The following RALA variants were observed in gnomAD, a reference collection of about 807,000 sequenced individuals.
RALA encodes the protein ras-related protein Ral-A.
Under a neutral mutation model 24.0 loss-of-function variants are expected in RALA, and 5 were observed. The observed-to-expected ratio is 0.21, with a 90% confidence interval of 0.11 to 0.44. The LOEUF (loss-of-function observed/expected upper bound fraction) is 0.44. RALA is among the 20% of genes least tolerant of loss of function. The pLI, the probability that RALA is intolerant of heterozygous loss-of-function variation, is 0.99. For missense variants in RALA, 95 were observed against 241.2 expected, an observed-to-expected ratio of 0.39 and a Z score of 4.01; for synonymous variants, 77 against 83.8, an observed-to-expected ratio of 0.92 and a Z score of 0.44.
chr7:39,638,942 A>G (rs1222570921), intron 1 of RALA, among the ~76,000 whole-genome samples: 2 of 152,244 alleles, frequency 1.3e-5, no homozygotes, highest in South Asian at 2.1e-4. Context: ...AGAAATTGCC[A>G]CACTGTTTTC....
chr7:39,687,998 C>T (rs973089532), intron 2 of RALA, among the ~76,000 whole-genome samples: 1 of 152,042 alleles, frequency 6.6e-6, no homozygotes, highest in Non-Finnish European at 1.5e-5. Flanking sequence ...GGCGATCCTC[C>T]CACCTTGGGC....
intron 1 of RALA, among the ~76,000 whole-genome samples, chr7:39,638,910 T>C (rs997290915): frequency 1.3e-5 from 2 of 152,244 alleles, no homozygotes; most frequent in Non-Finnish European, 2.9e-5. Context: ...GGTTGTATGG[T>C]ACATTTATGT....
intron 1 of RALA, among the ~76,000 whole-genome samples, chr7:39,684,581 A>C (rs1792664357): frequency 6.6e-6 from 1 of 152,058 alleles, no homozygotes; most frequent in African/African-American, 2.4e-5. Flanking sequence ...TTGAACCTCT[A>C]GTAGCAAGAG....
intron 1 of RALA, among the ~76,000 whole-genome samples, chr7:39,667,169 T>A (rs993524473): frequency 1.3e-5 from 2 of 152,226 alleles, no homozygotes; most frequent in African/African-American, 4.8e-5. Context: ...AATAGTATTC[T>A]TTAAAACTCA....
At chr7:39,676,529 C>T (rs1208386015) in intron 1 of RALA, among the ~76,000 whole-genome samples, 1 of 152,168 alleles carries the variant, frequency 6.6e-6, no homozygotes, top group Non-Finnish European at 1.5e-5. Context: ...CCCAAATGCT[C>T]CTATGAGCAT....
chr7:39,667,076 C>T (rs1489518927), intron 1 of RALA, among the ~76,000 whole-genome samples: 1 of 152,160 alleles, frequency 6.6e-6, no homozygotes, highest in Non-Finnish European at 1.5e-5. Context: ...AGGTCTTGCC[C>T]CATCTTAAAC....
Position 39,707,425 on chromosome 7 carries a change from CTG to C in RALA, c.*1182_*1183del, listed in dbSNP as rs1407366967. 6.6e-6 allele frequency: 1 copy of C among 152,204 alleles called. No individual in the cohort carries two copies. The highest frequency in any genetic ancestry group is 1.5e-5 in the Non-Finnish European group (1 of 68,040). 9.4% of individuals were successfully genotyped at this position (152,204 alleles called of 1,614,324 possible). A position where few individuals can be genotyped will look rare whatever the true frequency, so the allele number is the denominator to read the frequency against. On this transcript the variant is annotated 3_prime_UTR_variant, in exon 5 of 5. Coordinates refer to ENST00000005257, the MANE Select transcript of RALA (RefSeq NM_005402.4). ...CTGTTTCTGTTTATAATGAAGAACACTGTAGCTACATTTTCAGAAGTTAACAT... is the reference window on the plus strand; with the variant it reads ...CTGTTTCTGTTTATAATGAAGAACACTAGCTACATTTTCAGAAGTTAACAT...
intron 1 of RALA, among the ~76,000 whole-genome samples, chr7:39,661,725 C>G (rs1792194276): frequency 6.6e-6 from 1 of 152,198 alleles, no homozygotes; most frequent in African/African-American, 2.4e-5. Context: ...TGTGGCTTTT[C>G]CAGACTCATG....
chr7:39,697,265 A>G lies in RALA; in HGVS notation c.498+406A>G, dbSNP rs3779201. 131 of 407,706 alleles carry G rather than the reference A, an allele frequency of 3.2e-4. 2 individuals carry two copies. The East Asian group carries it at 8.9e-3, about 28-fold the overall frequency. The allele number at this position is 407,706 out of a possible 1,614,324, so 25.3% of individuals were successfully genotyped here. ...CTTAAAAATAAGGGTACCTCCCAAG[A>G]TGAAGAAGCCCCCAGATAAGAGCGT... On this transcript the variant is annotated intron_variant, in intron 4 of 4. Coordinates refer to ENST00000005257, the MANE Select transcript of RALA (RefSeq NM_005402.4).
intron 1 of RALA, among the ~76,000 whole-genome samples, chr7:39,651,804 C>T (rs1036716296): frequency 5.9e-5 from 9 of 152,000 alleles, no homozygotes; most frequent in South Asian, 4.2e-4. Context: ...ATTTTCTGAA[C>T]GTTTTTCAGT....
chr7:39,639,521 G>A (rs1033356940), intron 1 of RALA, among the ~76,000 whole-genome samples: 1 of 152,142 alleles, frequency 6.6e-6, no homozygotes, highest in Non-Finnish European at 1.5e-5. Context: ...AGACTGCATA[G>A]CCATTGCACT....
At chr7:39,697,952 T>TGTGC (rs1285882748) in intron 4 of RALA, among the ~76,000 whole-genome samples, 1 of 125,072 alleles carries the variant, frequency 8.0e-6, no homozygotes, top group African/African-American at 2.9e-5. Flanking sequence ...AGGGCAAGTG[T>TGTGC]GTGTGTGTGT....
chr7:39,648,208 C>T (rs1032098680), intron 1 of RALA, among the ~76,000 whole-genome samples: 6 of 152,142 alleles, frequency 3.9e-5, no homozygotes, highest in African/African-American at 1.4e-4. Flanking sequence ...ATCTGAAAAC[C>T]ATGGTCTTCA....
In RALA at chr7:39,706,005, A is replaced by G. The variant is rs927619675; in HGVS notation, c.499-118A>G. On this transcript the variant is annotated intron_variant, in intron 4 of 4. Coordinates refer to ENST00000005257, the MANE Select transcript of RALA (RefSeq NM_005402.4). ...TTATGCTTTCCGCTCTGTACTCCCAAACAAGAGCTCTTAAATATTTATACT... is the reference window on the plus strand; with the variant it reads ...TTATGCTTTCCGCTCTGTACTCCCAGACAAGAGCTCTTAAATATTTATACT... 3 of 923,434 alleles carry G rather than the reference A, an allele frequency of 3.2e-6. No homozygotes were observed. The African/African-American group carries it at 5.1e-5, about 16-fold the overall frequency. The allele number at this position is 923,434 out of a possible 1,614,324, so 57.2% of individuals were successfully genotyped here.
Position 39,696,832 on chromosome 7 carries a change from T to G in RALA, c.471T>G (p.Ser157=). Residue 157 remains serine, a synonymous_variant, in exon 4 of 5, where the codon TCT becomes TCG. Transcript: ENST00000005257. ...GGAATGTTAACTACGTGGAAACATC[T>G]GCTAAAACACGAGCTAATGTTGACA... is the stretch of plus-strand genomic sequence containing the variant. ...EQWNVNYVET[S]AKTRANVDKV... The G allele has an allele frequency of 6.2e-7, 1 of 1,612,974 alleles. No homozygotes were observed. Among genetic ancestry groups the G allele is most frequent in the Non-Finnish European group, 8.5e-7 (1 of 1,179,674 alleles).
intron 1 of RALA, among the ~76,000 whole-genome samples, chr7:39,674,496 C>A (rs1210216198): frequency 3.3e-5 from 5 of 152,086 alleles, no homozygotes; most frequent in East Asian, 1.9e-4. Context: ...ACTTAGAATT[C>A]TTTGCCCCAT....
At chr7:39,631,504 G>A (rs1327952843) in intron 1 of RALA, among the ~76,000 whole-genome samples, 1 of 152,214 alleles carries the variant, frequency 6.6e-6, no homozygotes, top group Non-Finnish European at 1.5e-5. Context: ...TAGTACAGGT[G>A]TGTGCCACCA....
chr7:39,680,391 A>C (rs1792569693), intron 1 of RALA, among the ~76,000 whole-genome samples: 1 of 106,590 alleles, frequency 9.4e-6, no homozygotes, highest in Admixed American at 8.4e-5. Context: ...AAAAACAAAA[A>C]CAAAAAAAAC....
At chr7:39,681,421 C>T (rs765934531) in intron 1 of RALA, among the ~76,000 whole-genome samples, 1 of 141,666 alleles carries the variant, frequency 7.1e-6, no homozygotes, top group Non-Finnish European at 1.5e-5. Context: ...CGGGTTCAGG[C>T]GATTCTCATG....
Sources: allele counts gnomAD v4.1 joint callset (sites outside exome capture counted in the v4.1 genomes callset), GRCh38; gene constraint gnomAD v4.1.1; transcripts MANE v1.5; gene names NCBI Gene and HGNC (gene_info 2026-07-23, HGNC 2026-07-21).